Variants in ADGRV1 observed in about 807,000 individuals in gnomAD.
ADGRV1 encodes adhesion G protein-coupled receptor V1, also known as G-protein coupled receptor 98.
A neutral mutation model predicts 596.2 loss-of-function variants in ADGRV1; 359 were observed. That is an observed-to-expected ratio of 0.60 (90% CI 0.55 to 0.66). ADGRV1 has a LOEUF of 0.66. Ranked by LOEUF, ADGRV1 falls within the 30% of genes least tolerant of loss-of-function variation. The probability of loss-of-function intolerance (pLI) is 0.00; values close to 1 mark genes in which losing one functional copy is unlikely to be tolerated. For missense variants in ADGRV1, 7,274 were observed against 7,575.6 expected (o/e 0.96, Z 1.48); for synonymous variants, 2,681 against 2,679.2 (o/e 1.00, Z -0.02).
chr5:91,018,464 G>A (rs1325673291), intron 85 of ADGRV1, among the ~76,000 whole-genome samples: 1 of 151,954 alleles, frequency 6.6e-6, no homozygotes, highest in East Asian at 1.9e-4. Flanking sequence ...GAAAAGCTGA[G>A]ATTTATGTTA....
intron 26 of ADGRV1, among the ~76,000 whole-genome samples, chr5:90,680,478 A>T (rs138252670): frequency 4.6e-5 from 7 of 152,362 alleles, no homozygotes; most frequent in African/African-American, 1.7e-4. Flanking sequence ...GTAGATTTAT[A>T]TACAAACATG....
At chr5:91,014,136 C>CCACACA (rs70973720) in intron 85 of ADGRV1, among the ~76,000 whole-genome samples, 67 of 35,696 alleles carry the variant, frequency 1.9e-3, no homozygotes, top group African/African-American at 2.9e-3. Flanking sequence ...TTCACAATTG[C>CCACACA]CACACACACA....
At chr5:90,994,926 C>T (rs987116299) in intron 85 of ADGRV1, among the ~76,000 whole-genome samples, 1 of 152,204 alleles carries the variant, frequency 6.6e-6, no homozygotes, top group East Asian at 1.9e-4. Flanking sequence ...GACTTCAACA[C>T]TCTACCAGGA....
chr5:90,599,382 A>G (rs1440845516), intron 1 of ADGRV1, among the ~76,000 whole-genome samples: 1 of 152,196 alleles, frequency 6.6e-6, no homozygotes. Context: ...ATCCCTTGAC[A>G]TGGAATTTTT....
chr5:90,781,809 CTA>C (rs1045469454), intron 65 of ADGRV1, among the ~76,000 whole-genome samples: 38 of 152,132 alleles, frequency 2.5e-4, no homozygotes, highest in African/African-American at 8.9e-4. Flanking sequence ...TCTAGAAAAA[CTA>C]TGTTTAACAT....
chr5:91,100,704 C>T (rs1282606848), intron 86 of ADGRV1, among the ~76,000 whole-genome samples: 1 of 152,142 alleles, frequency 6.6e-6, no homozygotes, highest in African/African-American at 2.4e-5. Flanking sequence ...GCTAACTTTA[C>T]AGTGAAGAAT....
chr5:90,852,171 T>C (rs1766596688), intron 79 of ADGRV1, among the ~76,000 whole-genome samples: 1 of 152,146 alleles, frequency 6.6e-6, no homozygotes, highest in South Asian at 2.1e-4. Flanking sequence ...ATTCAGGTAT[T>C]TGAAGGCACC....
At chr5:90,589,202 A>G (rs892691979) in intron 1 of ADGRV1, among the ~76,000 whole-genome samples, 2 of 152,194 alleles carry the variant, frequency 1.3e-5, no homozygotes, top group African/African-American at 4.8e-5. Context: ...GCAAAATAAT[A>G]AAAGAGGGAA....
chr5:91,019,740 C>T (rs1021991997), intron 85 of ADGRV1, among the ~76,000 whole-genome samples: 1 of 151,978 alleles, frequency 6.6e-6, no homozygotes, highest in Non-Finnish European at 1.5e-5. Context: ...AGTGAAAATA[C>T]TGCTATCTGA....
chr5:90,768,830 G>A (rs572862384), intron 59 of ADGRV1, among the ~76,000 whole-genome samples: 21 of 152,112 alleles, frequency 1.4e-4, no homozygotes, highest in South Asian at 8.3e-4. Flanking sequence ...GTGGAGATTC[G>A]TGTCCAGAGG....
intron 86 of ADGRV1, among the ~76,000 whole-genome samples, chr5:91,084,214 G>T (rs947546196): frequency 6.6e-6 from 1 of 152,060 alleles, no homozygotes; most frequent in African/African-American, 2.4e-5. Context: ...GATTGGAACT[G>T]TTAAGGATAT....
chr5:90,624,436 T>C (rs1290535133), intron 5 of ADGRV1, among the ~76,000 whole-genome samples: 1 of 152,220 alleles, frequency 6.6e-6, no homozygotes, highest in Non-Finnish European at 1.5e-5. Flanking sequence ...GCCTGTTTTT[T>C]GTTTAAATAA....
At chr5:91,082,329 A>AT (rs1351074761) in intron 86 of ADGRV1, among the ~76,000 whole-genome samples, 1 of 151,972 alleles carries the variant, frequency 6.6e-6, no homozygotes, top group Non-Finnish European at 1.5e-5. Context: ...TTCCTGGCAG[A>AT]TCCTATTTTT....
chr5:90,725,196 T>C lies in ADGRV1; in HGVS notation c.10017T>C (p.Ser3339=), dbSNP rs1751604700. 2 of 1,525,642 alleles carry C rather than the reference T, an allele frequency of 1.3e-6. No individual in the cohort carries two copies. Among genetic ancestry groups the C allele is most frequent in the Non-Finnish European group, 1.8e-6 (2 of 1,128,926 alleles). The allele number at this position is 1,525,642 out of a possible 1,614,324, so 94.5% of individuals were successfully genotyped here. ...ERNEEKPSLN[S]VFTFTSGFKL... is the part of the protein sequence containing the mutation. Reference sequence around the variant, plus strand: ...ATGAAGAAAAGCCTTCTCTTAACAGTGTGTTTACATTCACATCTGGATTTA... The same window carrying C: ...ATGAAGAAAAGCCTTCTCTTAACAGCGTGTTTACATTCACATCTGGATTTA... The change falls in exon 47 of 90, where the codon AGT becomes AGC. Residue 3339 remains serine (S), a synonymous_variant. Transcript: ENST00000405460.
At chr5:90,724,711 T>A (rs1352516920) in intron 45 of ADGRV1, 121 bp from the exon 46 acceptor site, 2 of 837,910 alleles carry the variant, frequency 2.4e-6, no homozygotes, top group Non-Finnish European at 3.9e-6. Flanking sequence ...CATACACACG[T>A]CATGAAAGAA....
chr5:90,630,803 T>A (rs1232047293), intron 9 of ADGRV1, among the ~76,000 whole-genome samples: 1 of 152,214 alleles, frequency 6.6e-6, no homozygotes, highest in African/African-American at 2.4e-5. Flanking sequence ...CTTTTCTGTA[T>A]GTTATCTTCA....
chr5:90,619,112 A>T lies in ADGRV1; in HGVS notation c.384A>T (p.Gly128=). 6.8e-7 allele frequency: 1 copy of T among 1,472,172 alleles called. No individual in the cohort carries two copies. Among genetic ancestry groups the T allele is most frequent in the Non-Finnish European group, 9.1e-7 (1 of 1,103,752 alleles). 91.2% of individuals were successfully genotyped at this position (1,472,172 alleles called of 1,614,324 possible). The stretch of plus-strand genomic sequence containing the variant: ...AACCTTCAGCAAATGTGAAGCTTGG[A>T]TGGCCAAGGACTGTTACTGTGACAA... ...LQKPSANVKL[G]WPRTVTVTIL... Residue 128 remains glycine, a synonymous_variant, in exon 4 of 90, where the codon GGA becomes GGT. Transcript: ENST00000405460.
intron 17 of ADGRV1, among the ~76,000 whole-genome samples, chr5:90,650,206 A>G (rs563751365): frequency 3.8e-4 from 58 of 152,338 alleles, no homozygotes; most frequent in African/African-American, 1.4e-3. Context: ...TTTAGAGCAT[A>G]TGCTCTGATA....
intron 80 of ADGRV1, among the ~76,000 whole-genome samples, 183 bp downstream of exon 80, chr5:90,853,716 A>G (rs1766756047): frequency 6.6e-6 from 1 of 152,244 alleles, no homozygotes; most frequent in Admixed American, 6.5e-5. Context: ...AGTTGGAAAT[A>G]TATCCTTCAT....
Sources: allele counts gnomAD v4.1 joint callset (sites outside exome capture counted in the v4.1 genomes callset), GRCh38; gene constraint gnomAD v4.1.1; transcripts MANE v1.5; gene names NCBI Gene and HGNC (gene_info 2026-07-23, HGNC 2026-07-21).